The following ZNF536 variants were observed in gnomAD, a reference collection of about 807,000 sequenced individuals.
ZNF536 encodes the protein zinc finger protein 536.
Under a neutral mutation model 84.5 loss-of-function variants are expected in ZNF536, and 13 were observed. The observed-to-expected ratio is 0.15, with a 90% CI of 0.10 to 0.24. ZNF536 has a LOEUF of 0.24. Ranked by LOEUF, ZNF536 falls within the 10% of genes least tolerant of loss-of-function variation. ZNF536 has a pLI of 1.00. For synonymous variants in ZNF536, 811 were observed against 742.5 expected (o/e 1.09, Z -1.50); for missense variants, 1,536 against 1,747.5 (o/e 0.88, Z 2.16).
intron 1 of ZNF536, among the ~76,000 whole-genome samples, chr19:30,439,996 T>C (rs550767099): frequency 2.1e-5 from 3 of 144,486 alleles, no homozygotes; most frequent in African/African-American, 7.8e-5. Context: ...AGTCTCGCTC[T>C]GTTGCCCAGG....
chr19:30,302,308 A>T (rs1208602749), intron 2 of ZNF536, among the ~76,000 whole-genome samples: 2 of 151,978 alleles, frequency 1.3e-5, no homozygotes, highest in Admixed American at 1.3e-4. Flanking sequence ...CCAGGTGGGG[A>T]ACGTGCTGGG....
rs2051442504 is a variant in ZNF536, at chr19:30,692,238, C to T, written c.170-18519C>T. On this transcript the variant is annotated intron_variant, in intron 1 of 1. Transcript: ENST00000592773. ...AGAAACTGCTGAAACCAAACGGGTG[C>T]CTGCACCGAGGGCTGGGAATTCATC... Among the ~76,000 whole-genome samples, 3 of 152,214 alleles carry T rather than the reference C, an allele frequency of 2.0e-5. No homozygotes were observed. The South Asian group carries it at 6.2e-4, about 32-fold the overall frequency.
intron 1 of ZNF536, among the ~76,000 whole-genome samples, chr19:30,267,812 A>G (rs1261282103): frequency 6.6e-6 from 1 of 151,916 alleles, no homozygotes; most frequent in Non-Finnish European, 1.5e-5. Context: ...GTGAGTTTTC[A>G]CAGTGCTTTG....
At chr19:30,269,433 C>T (rs1321137519) in intron 1 of ZNF536, among the ~76,000 whole-genome samples, 1 of 152,004 alleles carries the variant, frequency 6.6e-6, no homozygotes, top group Non-Finnish European at 1.5e-5. Context: ...GGAGAGAATC[C>T]TACAATTTGT....
At chr19:30,262,131 GA>G (rs1177272407) in intron 1 of ZNF536, among the ~76,000 whole-genome samples, 2 of 152,208 alleles carry the variant, frequency 1.3e-5, no homozygotes, top group South Asian at 2.1e-4. Context: ...CTTCATCAAA[GA>G]AAAACTCCAC....
At chr19:30,241,098 A>G (rs1396389183) in intron 1 of ZNF536, among the ~76,000 whole-genome samples, 1 of 152,172 alleles carries the variant, frequency 6.6e-6, no homozygotes, top group African/African-American at 2.4e-5. Context: ...TGGGAGGATC[A>G]CTGGAGCCCA....
chr19:30,384,633 C>A (rs1380682945), intron 1 of ZNF536, among the ~76,000 whole-genome samples: 1 of 151,918 alleles, frequency 6.6e-6, no homozygotes, highest in Non-Finnish European at 1.5e-5. Flanking sequence ...AAACCAGAAA[C>A]CCCTGTGGAG....
intron 1 of ZNF536, among the ~76,000 whole-genome samples, chr19:30,278,624 G>A (rs972667552): frequency 2.6e-5 from 4 of 152,046 alleles, no homozygotes; most frequent in African/African-American, 9.7e-5. Context: ...GTGCCCCCTG[G>A]GTCCTGGGCC....
downstream of ZNF536, among the ~76,000 whole-genome samples, chr19:30,558,652 G>C (rs2046052698): frequency 6.6e-6 from 1 of 152,212 alleles, no homozygotes; most frequent in African/African-American, 2.4e-5. Context: ...CTGGTGGGGA[G>C]AGAGGTGTGG....
chr19:30,674,404 T>C (rs1017776301), intron 1 of ZNF536, among the ~76,000 whole-genome samples: 3 of 152,224 alleles, frequency 2.0e-5, no homozygotes, highest in African/African-American at 7.2e-5. Context: ...GAAAGACTCT[T>C]CTCTTGTGGA....
intron 1 of ZNF536, among the ~76,000 whole-genome samples, chr19:30,574,190 C>T (rs1404109401): frequency 6.6e-6 from 1 of 152,232 alleles, no homozygotes; most frequent in Non-Finnish European, 1.5e-5. Flanking sequence ...TTTATCTGCT[C>T]TCAACTTGAG....
chr19:30,414,902 C>T (rs2050646929), intron 1 of ZNF536, among the ~76,000 whole-genome samples: 2 of 152,170 alleles, frequency 1.3e-5, no homozygotes, highest in Admixed American at 6.5e-5. Flanking sequence ...TAACTTCCCC[C>T]AGCCCTTTGA....
chr19:30,523,704 T>G (rs1005338373), intron 2 of ZNF536, among the ~76,000 whole-genome samples: 1 of 152,058 alleles, frequency 6.6e-6, no homozygotes, highest in Non-Finnish European at 1.5e-5. Context: ...TTTTAATGCC[T>G]GCACCTGGCA....
chr19:30,599,367 C>G (rs1475339073), intron 1 of ZNF536, among the ~76,000 whole-genome samples: 1 of 141,278 alleles, frequency 7.1e-6, no homozygotes, highest in Non-Finnish European at 1.5e-5. Context: ...TCCCTCCCTT[C>G]CTCCTCCCAT....
At chr19:30,232,192 C>T (rs2023110229) in intron 1 of ZNF536, among the ~76,000 whole-genome samples, 1 of 152,100 alleles carries the variant, frequency 6.6e-6, no homozygotes, top group South Asian at 2.1e-4. Context: ...TCAACGGGCT[C>T]CTGTTGACTG....
chr19:30,452,165 T>C (rs2052637192), intron 2 of ZNF536, among the ~76,000 whole-genome samples: 1 of 152,182 alleles, frequency 6.6e-6, no homozygotes, highest in Non-Finnish European at 1.5e-5. Flanking sequence ...ATGCTTACCA[T>C]GCACTCAGGT....
chr19:30,377,540 G>C (rs575951828), intron 1 of ZNF536, among the ~76,000 whole-genome samples: 2 of 152,104 alleles, frequency 1.3e-5, no homozygotes, highest in African/African-American at 4.8e-5. Context: ...AGAGTAGGGC[G>C]TTCAGGAAAG....
At chr19:30,366,607 T>C (rs2048443269) in intron 3 of ZNF536, among the ~76,000 whole-genome samples, 1 of 151,990 alleles carries the variant, frequency 6.6e-6, no homozygotes. Flanking sequence ...TATCTATCTA[T>C]CTATCTATCT....
intron 2 of ZNF536, among the ~76,000 whole-genome samples, chr19:30,516,369 T>A (rs2044073643): frequency 6.6e-6 from 1 of 152,146 alleles, no homozygotes; most frequent in Non-Finnish European, 1.5e-5. Flanking sequence ...AGGCTCTCCA[T>A]GAATATTTGC....
Sources: gnomAD v4.1 joint callset for allele counts (sites outside exome capture counted in the v4.1 genomes callset) on GRCh38, gnomAD v4.1.1 for gene constraint, MANE v1.5 for transcripts, NCBI Gene and HGNC (gene_info 2026-07-23, HGNC 2026-07-21) for gene names.